Variants in VWDE observed in about 807,000 individuals in gnomAD.
VWDE encodes the protein von Willebrand factor D and EGF domain-containing protein.
VWDE carries 207 observed loss-of-function variants against 178.4 expected under a neutral mutation model. The ratio of observed to expected loss-of-function variants is 1.16; its 90% CI spans 1.04 to 1.30. The LOEUF (loss-of-function observed/expected upper bound fraction) is 1.30, where lower values mean the gene tolerates loss of function less well. VWDE is among the 50% of genes most tolerant of loss of function. The pLI is 0.00. For missense variants in VWDE, 2,287 were observed against 1,901.3 expected (o/e 1.20, Z -3.77); for synonymous variants, 738 against 651.4 (o/e 1.13, Z -2.02).
intron 27 of VWDE, chr7:12,333,779 A>C (rs547714392): frequency 2.6e-6 from 1 of 379,220 alleles, no homozygotes; most frequent in East Asian, 3.9e-5. Flanking sequence ...AAATTCAAAC[A>C]ACACTTTTGG....
intron 3 of VWDE, among the ~76,000 whole-genome samples, chr7:12,385,333 T>C (rs970591572): frequency 2.0e-5 from 3 of 152,130 alleles, no homozygotes; most frequent in African/African-American, 7.2e-5. Flanking sequence ...TACGTCCAAG[T>C]AAAAAATGAC....
At chr7:12,342,250 G>GCAAT in intron 22 of VWDE, 96 bp from the exon 23 acceptor site, 1 of 801,812 alleles carries the variant, frequency 1.2e-6, no homozygotes, top group African/African-American at 1.7e-5. Flanking sequence ...AATCACATCT[G>GCAAT]CTAATTAATA....
At chr7:12,338,257 T>G (rs1781142521) in intron 24 of VWDE, among the ~76,000 whole-genome samples, 1 of 151,966 alleles carries the variant, frequency 6.6e-6, no homozygotes, top group African/African-American at 2.4e-5. Flanking sequence ...TTCCAGTATT[T>G]TAGGCTGAAG....
Position 12,392,796 on chromosome 7 carries a change from AAAGTT to A in VWDE, c.243+793_243+797del, listed in dbSNP as rs1256119269. ...GTTGTAAAAAGAGTGAACGTTACGT[AAAGTT>A]AAGTTGCAAAAAAAAAAAAAACACA... On this transcript the variant is annotated intron_variant, in intron 2 of 28. Transcript: ENST00000275358. Among the ~76,000 whole-genome samples the A allele has an allele frequency of 5.7e-5, 8 of 141,172 alleles. No individual in the cohort carries two copies. The South Asian group carries it at 9.0e-4, about 16-fold the overall frequency. The allele number at this position is 141,172 out of a possible 152,430, so 92.6% of individuals were successfully genotyped here.
chr7:12,372,454 G>A (rs992039920), intron 10 of VWDE, among the ~76,000 whole-genome samples: 2 of 151,918 alleles, frequency 1.3e-5, no homozygotes, highest in African/African-American at 4.8e-5. Context: ...TGAATGGAAG[G>A]TGGCTATGAC....
At chr7:12,395,642 A>C (rs1784585665) in intron 1 of VWDE, among the ~76,000 whole-genome samples, 1 of 152,056 alleles carries the variant, frequency 6.6e-6, no homozygotes, top group African/African-American at 2.4e-5. Flanking sequence ...CTTATAAGAT[A>C]ATTTTAAATT....
intron 2 of VWDE, among the ~76,000 whole-genome samples, chr7:12,390,154 G>C (rs957621845): frequency 5.6e-5 from 8 of 143,392 alleles, no homozygotes; most frequent in Admixed American, 2.8e-4. Context: ...GACAGAGCGA[G>C]ACTCCATCTC....
chr7:12,364,196 C>T (rs1463515741), intron 13 of VWDE, among the ~76,000 whole-genome samples: 2 of 151,828 alleles, frequency 1.3e-5, no homozygotes, highest in East Asian at 1.9e-4. Context: ...ATAGATAAAC[C>T]GATAGATAGG....
At chr7:12,361,294 G>A (rs1172052844) in intron 14 of VWDE, 43 bp from the exon 15 acceptor site, 21 of 1,535,238 alleles carry the variant, frequency 1.4e-5, no homozygotes, top group African/African-American at 8.3e-5. Flanking sequence ...TGTTCTAAAT[G>A]TTCTAAATTC....
intron 18 of VWDE, chr7:12,354,439 A>T: frequency 9.2e-6 from 4 of 434,434 alleles, no homozygotes; most frequent in Non-Finnish European, 1.8e-5. Context: ...TACTCCCTCA[A>T]AGCAAGGCTT....
At chr7:12,343,642 C>G (rs1226528898) in intron 21 of VWDE, among the ~76,000 whole-genome samples, 1 of 152,134 alleles carries the variant, frequency 6.6e-6, no homozygotes, top group Non-Finnish European at 1.5e-5. Context: ...ATCTACCAAA[C>G]TACCTTTTCA....
At chr7:12,364,827 T>C (rs1458939533) in intron 13 of VWDE, among the ~76,000 whole-genome samples, 2 of 152,088 alleles carry the variant, frequency 1.3e-5, no homozygotes, top group Non-Finnish European at 2.9e-5. Context: ...TACAACGTAT[T>C]TATTAGTTAA....
chr7:12,381,518 C>CA, intron 4 of VWDE, among the ~76,000 whole-genome samples: 1 of 152,010 alleles, frequency 6.6e-6, no homozygotes, highest in South Asian at 2.1e-4. Context: ...TCAGCCTTGC[C>CA]ATGTAGATTT....
intron 1 of VWDE, among the ~76,000 whole-genome samples, chr7:12,403,115 T>C (rs1039708491): frequency 2.6e-5 from 4 of 152,312 alleles, no homozygotes; most frequent in African/African-American, 9.6e-5. Context: ...GAGATCTCTT[T>C]TACAGTGCCA....
chr7:12,342,637 T>TTTTA lies in VWDE; in HGVS notation c.4174+442_4174+445dup, dbSNP rs200288136. ...TTATTTTTTTCCTGGGATAAATCTA[T>TTTTA]TTTATTTATTTATTTATTTATTTTC... On this transcript the variant is annotated intron_variant, in intron 22 of 28. Transcript: ENST00000275358. Among the ~76,000 whole-genome samples the TTTTA allele has an allele frequency of 1.4e-4, 21 of 151,534 alleles. No homozygotes were observed. In the East Asian group the frequency reaches 2.3e-3, roughly 17 times the overall value.
intron 1 of VWDE, among the ~76,000 whole-genome samples, chr7:12,400,144 C>G (rs1784833695): frequency 6.6e-6 from 1 of 152,026 alleles, no homozygotes; most frequent in South Asian, 2.1e-4. Flanking sequence ...TCAAGTTAAC[C>G]TTGCACCTTA....
rs1422761850 is a variant in VWDE, at chr7:12,369,995, C to T, written c.2311G>A (p.Asp771Asn). The T allele has an allele frequency of 7.7e-6, 12 of 1,551,348 alleles. No homozygotes were observed. The Admixed American group carries it at 1.6e-4, about 20-fold the overall frequency. The change falls in exon 12 of 29, where the codon GAT becomes AAT. Residue 771 changes from aspartate to asparagine, a missense_variant. Asp to Asn is a conservative substitution (Grantham distance 23). Transcript: ENST00000275358. ...LFAFPSLSQTDLEELTYFFPE... is the reference protein window; with the variant it reads ...LFAFPSLSQTNLEELTYFFPE... ...AAAAAATAAGTAAGTTCTTCCAGAT[C>T]CGTTTGGCTGAGACTCGGGAAAGCA...
At chr7:12,332,982 TGAGA>T (rs1055325458) in intron 28 of VWDE, among the ~76,000 whole-genome samples, 13 of 151,892 alleles carry the variant, frequency 8.6e-5, no homozygotes, top group African/African-American at 3.1e-4. Context: ...TATGTTTGTA[TGAGA>T]GAGAGAGAGA....
At chr7:12,366,740 C>A (rs796285218) in intron 13 of VWDE, among the ~76,000 whole-genome samples, 6 of 152,010 alleles carry the variant, frequency 3.9e-5, no homozygotes, top group African/African-American at 1.4e-4. Flanking sequence ...TTCAGCTTAC[C>A]TACATATACT....
Sources: allele counts gnomAD v4.1 joint callset (sites outside exome capture counted in the v4.1 genomes callset), GRCh38; gene constraint gnomAD v4.1.1; transcripts MANE v1.5; gene names NCBI Gene and HGNC (gene_info 2026-07-23, HGNC 2026-07-21).